Variants in SUPT20H observed in about 807,000 individuals in gnomAD.
SUPT20H encodes the protein SPT20 homolog, SAGA complex component, also known as transcription factor SPT20 homolog.
Under a neutral mutation model 122.8 loss-of-function variants are expected in SUPT20H, and 82 were observed. The ratio of observed to expected loss-of-function variants is 0.67; its 90% CI spans 0.56 to 0.80. The LOEUF is 0.80. Ranked by LOEUF, SUPT20H falls within the 30% of genes least tolerant of loss-of-function variation. The pLI is 0.00. For missense variants in SUPT20H, 831 were observed against 921.6 expected (o/e 0.90, Z 1.27); for synonymous variants, 291 against 313.0 (o/e 0.93, Z 0.74).
intron 9 of SUPT20H, among the ~76,000 whole-genome samples, chr13:37,035,171 T>G (rs2064103538): frequency 6.6e-6 from 1 of 152,212 alleles, no homozygotes; most frequent in African/African-American, 2.4e-5. Context: ...TTAAAAAATG[T>G]ATTTTGTAAG....
At chr13:37,015,364 T>C (rs546072253) in intron 23 of SUPT20H, among the ~76,000 whole-genome samples, 1 of 148,208 alleles carries the variant, frequency 6.7e-6, no homozygotes, top group South Asian at 2.1e-4. Flanking sequence ...TCTCCAAAGA[T>C]GGTACACAAA....
chr13:37,011,834 A>G (rs1173542995), intron 24 of SUPT20H, among the ~76,000 whole-genome samples: 1 of 152,202 alleles, frequency 6.6e-6, no homozygotes, highest in Non-Finnish European at 1.5e-5. Context: ...ACAAAAGATT[A>G]TGCAATCTAG....
At chr13:37,051,000 CCTACT>C (rs1469422829) in intron 2 of SUPT20H, among the ~76,000 whole-genome samples, 1 of 152,100 alleles carries the variant, frequency 6.6e-6, no homozygotes, top group African/African-American at 2.4e-5. Context: ...AAGTTAAATG[CCTACT>C]CCTAACTATG....
chr13:37,012,071 C>T, intron 24 of SUPT20H, 121 bp downstream of exon 24: 1 of 739,312 alleles, frequency 1.4e-6, no homozygotes, highest in Non-Finnish European at 2.3e-6. Context: ...CACATTATAG[C>T]TTTACTTTTT....
intron 12 of SUPT20H, among the ~76,000 whole-genome samples, chr13:37,030,363 C>T (rs1367792840): frequency 6.6e-6 from 1 of 152,104 alleles, no homozygotes; most frequent in Non-Finnish European, 1.5e-5. Flanking sequence ...CTGTGTGAGT[C>T]AAATGTTATT....
chr13:37,019,472 T>C (rs557060043), intron 21 of SUPT20H, 75 bp from the exon 22 acceptor site: 1 of 1,010,068 alleles, frequency 9.9e-7, no homozygotes, highest in African/African-American at 1.7e-5. Context: ...CTTTAGTATA[T>C]ATAAGTACAA....
intron 16 of SUPT20H, 41 bp downstream of exon 16, chr13:37,026,163 A>C: frequency 6.4e-7 from 1 of 1,551,476 alleles, no homozygotes; most frequent in Non-Finnish European, 8.7e-7. Context: ...AAAATTTTTC[A>C]TATCCATCCT....
chr13:37,023,963 A>C lies in SUPT20H; in HGVS notation c.1591+72T>G, dbSNP rs955529575. 5.3e-6 allele frequency: 8 copies of C among 1,500,078 alleles called. No homozygotes were observed. In the African/African-American group the frequency reaches 1.1e-4, roughly 21 times the overall value. 92.9% of individuals were successfully genotyped at this position (1,500,078 alleles called of 1,614,324 possible). ...CAGATATCACTACTTCACAGGTTGA[A>C]AAAAGCTGTCTTAAGAAACACTAAT... On this transcript the variant is annotated intron_variant, in intron 19 of 25. Transcript: ENST00000350612.
In SUPT20H at chr13:37,031,327, T is replaced by C. The variant is rs1464803097; in HGVS notation, c.921+240A>G. 7.2e-5 allele frequency among the ~76,000 whole-genome samples: 11 copies of C among 152,226 alleles called. No homozygotes were observed. In the East Asian group the frequency reaches 1.2e-3, roughly 16 times the overall value. ...TTACTATTCCTGCTCCAAAAAACTA[T>C]ATTAAGGGGTTATGTTCTTTCAACT... On this transcript the variant is annotated intron_variant, in intron 12 of 25. Transcript: ENST00000350612.
intron 1 of SUPT20H, among the ~76,000 whole-genome samples, chr13:37,053,945 G>A (rs981322851): frequency 1.6e-4 from 24 of 152,072 alleles, no homozygotes; most frequent in African/African-American, 2.4e-4. Flanking sequence ...TATAACCACC[G>A]ATCCCACAGA....
intron 7 of SUPT20H, among the ~76,000 whole-genome samples, chr13:37,043,794 CA>C (rs912073078): frequency 1.3e-5 from 2 of 150,422 alleles, no homozygotes; most frequent in African/African-American, 4.9e-5. Context: ...CACTTGAGCC[CA>C]GGGGTTTGAG....
At chr13:37,044,365 GA>G (rs1056564974) in intron 6 of SUPT20H, among the ~76,000 whole-genome samples, 184 bp from the exon 7 acceptor site, 47 of 146,768 alleles carry the variant, frequency 3.2e-4, no homozygotes, top group Non-Finnish European at 4.1e-4. Context: ...TCTTAAGGGG[GA>G]AAAAAAAAAC....
In SUPT20H at chr13:37,047,562, T is replaced by C. The variant is rs772417942; in HGVS notation, c.138A>G (p.Glu46=). 37 of 1,437,924 alleles carry C rather than the reference T, an allele frequency of 2.6e-5. No individual in the cohort carries two copies. Among genetic ancestry groups the C allele is most frequent in the Non-Finnish European group, 2.4e-5 (26 of 1,076,890 alleles). 89.1% of individuals were successfully genotyped at this position (1,437,924 alleles called of 1,614,324 possible). ...VFQKLYDLYI[E]ECEKEPEVKK... ...TAACTTCAGGTTCTTTTTCACATTC[T>C]TCAATATACAAGTCATAAAGTTTTT... Residue 46 remains glutamate (E), a synonymous_variant, in exon 5 of 26, where the codon GAA becomes GAG. Coordinates refer to ENST00000350612, the MANE Select transcript of SUPT20H (RefSeq NM_001014286.3).
chr13:37,021,578 A>G lies in SUPT20H; in HGVS notation c.1686T>C (p.Gly562=), dbSNP rs1257383450. ...TGTTACAGCCCAGCATGGGGTTTGA[A>G]CCACTCATCAAAGCCTGGGCCCCAC... ...SVCGAQALMS[G]SNPMLGCNTG... The change falls in exon 21 of 26, where the codon GGT becomes GGC. Residue 562 remains glycine, a synonymous_variant. Transcript: ENST00000350612. 1.9e-6 allele frequency: 3 copies of G among 1,613,250 alleles called. No individual in the cohort carries two copies. The highest frequency in any genetic ancestry group is 2.5e-6 in the Non-Finnish European group (3 of 1,179,874).
At chr13:37,043,692 G>A (rs1427671670) in intron 7 of SUPT20H, among the ~76,000 whole-genome samples, 5 of 151,888 alleles carry the variant, frequency 3.3e-5, no homozygotes, top group African/African-American at 9.6e-5. Context: ...TATCACCCAC[G>A]CTGGAGTGCA....
chr13:37,024,165 G>T lies in SUPT20H; in HGVS notation c.1461C>A (p.Ser487Arg), dbSNP rs1319801883. 1 of 1,613,498 alleles carries T rather than the reference G, an allele frequency of 6.2e-7. No individual in the cohort carries two copies. Among genetic ancestry groups the T allele is most frequent in the African/African-American group, 1.3e-5 (1 of 74,896 alleles). The change falls in exon 19 of 26, where the codon AGC becomes AGA. Residue 487 changes from serine (S) to arginine (R), a missense_variant. By Grantham distance (110) the Ser-to-Arg change is moderately radical. Coordinates refer to ENST00000350612, the MANE Select transcript of SUPT20H (RefSeq NM_001014286.3). ...SGNYFTPQQT[S>R]SFLKSPTPPP... ...GAGGAGTTGGAGATTTGAGAAAGCTGCTTGTCTGTTGTGGTGTAAAATAGT... is the reference window on the plus strand; with the variant it reads ...GAGGAGTTGGAGATTTGAGAAAGCTTCTTGTCTGTTGTGGTGTAAAATAGT...
intron 16 of SUPT20H, 118 bp downstream of exon 16, chr13:37,026,086 A>T: frequency 1.3e-6 from 1 of 765,586 alleles, no homozygotes; most frequent in Non-Finnish European, 2.1e-6. Context: ...AACAGTGTAA[A>T]TATGGTTAAC....
At chr13:37,051,621 A>ATTATTAAG in intron 1 of SUPT20H, 38 bp from the exon 2 acceptor site, 1 of 568,058 alleles carries the variant, frequency 1.8e-6, no homozygotes, top group South Asian at 3.0e-5. Context: ...ATATTAACAT[A>ATTATTAAG]AGGCTATTAA....
chr13:37,030,358 T>G (rs1380752405), intron 12 of SUPT20H, among the ~76,000 whole-genome samples: 1 of 152,184 alleles, frequency 6.6e-6, no homozygotes, highest in Non-Finnish European at 1.5e-5. Flanking sequence ...GGCATCTGTG[T>G]GAGTCAAATG....
Sources: allele counts gnomAD v4.1 joint callset (sites outside exome capture counted in the v4.1 genomes callset), GRCh38; gene constraint gnomAD v4.1.1; transcripts MANE v1.5; gene names NCBI Gene and HGNC (gene_info 2026-07-23, HGNC 2026-07-21).